MTHFD2L: variants seen among roughly 807,000 people sequenced by gnomAD.
MTHFD2L encodes bifunctional methylenetetrahydrofolate dehydrogenase/cyclohydrolase 2, mitochondrial.
MTHFD2L carries 29 observed loss-of-function variants against 34.9 expected under a neutral mutation model. The observed-to-expected ratio is 0.83, with a 90% CI of 0.62 to 1.13. The LOEUF is 1.13. Among genes scored for constraint, MTHFD2L ranks in the 50% most tolerant of loss-of-function variants. The pLI, the probability that MTHFD2L is intolerant of heterozygous loss-of-function variation, is 0.00. For missense variants in MTHFD2L, 481 were observed against 446.5 expected (o/e 1.08, Z -0.70); for synonymous variants, 167 against 155.7 (o/e 1.07, Z -0.54).
At chr4:74,219,327 A>G (rs1292956979) in intron 5 of MTHFD2L, among the ~76,000 whole-genome samples, 1 of 152,124 alleles carries the variant, frequency 6.6e-6, no homozygotes, top group African/African-American at 2.4e-5. Flanking sequence ...TCTGTGTGAT[A>G]GAAAATGAGG....
At chr4:74,201,469 G>A in intron 5 of MTHFD2L, 99 bp downstream of exon 5, 2 of 784,060 alleles carry the variant, frequency 2.6e-6, no homozygotes, top group Non-Finnish European at 3.9e-6. Flanking sequence ...TATATTTGTG[G>A]GTTTATGCAG....
intron 1 of MTHFD2L, among the ~76,000 whole-genome samples, chr4:74,138,199 T>C (rs6825147): frequency 0.99 from 150,720 of 152,198 alleles, 74,651 homozygotes; most frequent in East Asian, 1. Context: ...TCTGTTTGGG[T>C]TGGTCATGGC....
At chr4:74,126,332 A>G (rs1722069031) in intron 1 of MTHFD2L, among the ~76,000 whole-genome samples, 1 of 152,174 alleles carries the variant, frequency 6.6e-6, no homozygotes, top group African/African-American at 2.4e-5. Flanking sequence ...ATATATGTGA[A>G]CTATATATAC....
intron 6 of MTHFD2L, among the ~76,000 whole-genome samples, chr4:74,279,330 C>T (rs777376679): frequency 7.9e-5 from 12 of 151,238 alleles, no homozygotes; most frequent in South Asian, 2.1e-4. Context: ...TTTTGAAATC[C>T]GAGAAAGAAA....
intron 1 of MTHFD2L, chr4:74,160,104 CTCCCCACTTG>C (rs1725085553): frequency 7.8e-7 from 1 of 1,288,910 alleles, no homozygotes; most frequent in Admixed American, 2.3e-5. Context: ...CACTGTCTGC[CTCCCCACTTG>C]TCCCCATCCA....
At chr4:74,269,165 C>G (rs959292235) in intron 6 of MTHFD2L, among the ~76,000 whole-genome samples, 1 of 152,134 alleles carries the variant, frequency 6.6e-6, no homozygotes, top group African/African-American at 2.4e-5. Context: ...GACTGTTTTA[C>G]TCTAATATTA....
intron 5 of MTHFD2L, among the ~76,000 whole-genome samples, chr4:74,214,581 G>T (rs1736878837): frequency 6.6e-6 from 1 of 151,824 alleles, no homozygotes; most frequent in Non-Finnish European, 1.5e-5. Flanking sequence ...TCCTCTGGAA[G>T]CTTCATCCCA....
At chr4:74,156,297 G>T (rs937579882), upstream of MTHFD2L, among the ~76,000 whole-genome samples, 2 of 151,990 alleles carry the variant, frequency 1.3e-5, no homozygotes, top group Admixed American at 6.6e-5. Context: ...CTATAATTTT[G>T]CCTTTTATAG....
intron 7 of MTHFD2L, among the ~76,000 whole-genome samples, chr4:74,287,366 G>T (rs1748310955): frequency 6.6e-6 from 1 of 152,090 alleles, no homozygotes. Flanking sequence ...GAAACTCTTA[G>T]GTTGTTTCCA....
chr4:74,197,343 A>G (rs1324632739), intron 3 of MTHFD2L, among the ~76,000 whole-genome samples: 1 of 152,174 alleles, frequency 6.6e-6, no homozygotes, highest in Non-Finnish European at 1.5e-5. Context: ...CAGGAAATGT[A>G]TTTATTTCTC....
chr4:74,138,778 CAG>C (rs1491191516), intron 1 of MTHFD2L, among the ~76,000 whole-genome samples: 1 of 152,138 alleles, frequency 6.6e-6, no homozygotes, highest in Non-Finnish European at 1.5e-5. Context: ...GGAGTGAAAA[CAG>C]AGCTCCCATA....
intron 6 of MTHFD2L, among the ~76,000 whole-genome samples, chr4:74,236,875 A>G (rs1227040624): frequency 2.6e-5 from 4 of 152,154 alleles, no homozygotes; most frequent in Admixed American, 1.3e-4. Flanking sequence ...TTTCCCCACT[A>G]TACTTTCAGT....
At chr4:74,259,579 A>G (rs1013778017) in intron 6 of MTHFD2L, among the ~76,000 whole-genome samples, 6 of 152,198 alleles carry the variant, frequency 3.9e-5, no homozygotes, top group African/African-American at 9.6e-5. Flanking sequence ...AGAGAGCCCC[A>G]TAGTTCTTCC....
intron 6 of MTHFD2L, chr4:74,280,242 A>T (rs917676081): frequency 3.3e-5 from 5 of 152,078 alleles, no homozygotes; most frequent in African/African-American, 1.2e-4. Flanking sequence ...ATAGTATATG[A>T]CAGAAGTGAC....
At chr4:74,115,207 T>C (rs1399767457) in intron 2 of MTHFD2L, among the ~76,000 whole-genome samples, 2 of 152,238 alleles carry the variant, frequency 1.3e-5, no homozygotes. Flanking sequence ...ACTCTAATTA[T>C]TTTTTGACCA....
rs570667826 is a variant in MTHFD2L at position 74,238,236 on chromosome 4, G to A, written c.805+12842G>A. Among the ~76,000 whole-genome samples, 41 of 152,310 alleles carry A rather than the reference G, an allele frequency of 2.7e-4. No homozygotes were observed. The South Asian group carries it at 8.5e-3, about 32-fold the overall frequency. ...GAGCACCTGGTTACCTGCTTTAGGT[G>A]TGGCTTTGGTTCTGAAATAGAGCAG... On this transcript the variant is annotated intron_variant, in intron 6 of 7. Coordinates refer to ENST00000325278, the MANE Select transcript of MTHFD2L (RefSeq NM_001144978.3).
intron 6 of MTHFD2L, among the ~76,000 whole-genome samples, chr4:74,250,319 G>A (rs1437345720): frequency 6.6e-6 from 1 of 152,116 alleles, no homozygotes; most frequent in Non-Finnish European, 1.5e-5. Context: ...TCATGTCTCT[G>A]TTTAAATGGT....
intron 1 of MTHFD2L, among the ~76,000 whole-genome samples, chr4:74,148,603 G>A (rs1430167698): frequency 1.3e-5 from 2 of 151,772 alleles, no homozygotes; most frequent in African/African-American, 2.4e-5. Flanking sequence ...GGGCTCAAGC[G>A]ATTCATCCAC....
In MTHFD2L at chr4:74,281,455, T is replaced by C; in HGVS notation, c.836T>C (p.Val279Ala). 1 of 1,612,718 alleles carries C rather than the reference T, an allele frequency of 6.2e-7. No individual in the cohort carries two copies. The highest frequency in any genetic ancestry group is 1.1e-5 in the South Asian group (1 of 91,026). ...CCAAAGTTGATTACGTCTGATATGG[T>C]TAAAGAAGGTGCTGCTGTAATTGAT... is the stretch of plus-strand genomic sequence containing the variant. ...GIPKLITSDM[V>A]KEGAAVIDVG... Residue 279 changes from valine (V) to alanine (A), a missense_variant, in exon 7 of 8, where the codon GTT becomes GCT. Coordinates refer to ENST00000325278, the MANE Select transcript of MTHFD2L (RefSeq NM_001144978.3).
Sources: gnomAD v4.1 joint callset for allele counts (sites outside exome capture counted in the v4.1 genomes callset) on GRCh38, gnomAD v4.1.1 for gene constraint, MANE v1.5 for transcripts, NCBI Gene and HGNC (gene_info 2026-07-23, HGNC 2026-07-21) for gene names.